Variants in FRAS1 observed in about 807,000 individuals in gnomAD.
FRAS1 encodes extracellular matrix organizing protein FRAS1.
In FRAS1, 290 loss-of-function variants were observed where a neutral mutation model predicts 435.2. The observed-to-expected ratio is 0.67, with a 90% CI of 0.61 to 0.73. The LOEUF is 0.73. Ranked by LOEUF, FRAS1 falls within the 30% of genes least tolerant of loss-of-function variation. The probability of loss-of-function intolerance (pLI) is 0.00; values close to 1 mark genes in which losing one functional copy is unlikely to be tolerated. For missense variants in FRAS1, 4,860 were observed against 5,001.5 expected (o/e 0.97, Z 0.85); for synonymous variants, 1,800 against 1,851.0 (o/e 0.97, Z 0.71).
At chr4:78,306,357 C>G (rs1281215433) in intron 14 of FRAS1, among the ~76,000 whole-genome samples, 1 of 147,818 alleles carries the variant, frequency 6.8e-6, no homozygotes, top group African/African-American at 2.5e-5. Flanking sequence ...TTGCTCTTCT[C>G]GAGGAGTATC....
At chr4:78,414,431 G>A (rs1240622667) in intron 32 of FRAS1, among the ~76,000 whole-genome samples, 3 of 152,198 alleles carry the variant, frequency 2.0e-5, no homozygotes, top group Admixed American at 1.3e-4. Flanking sequence ...TTGCGAATTA[G>A]GTCTGTCCAG....
intron 14 of FRAS1, among the ~76,000 whole-genome samples, chr4:78,305,805 AC>A (rs1173380277): frequency 6.6e-6 from 1 of 151,400 alleles, no homozygotes; most frequent in African/African-American, 2.4e-5. Flanking sequence ...ATGGGTCCTG[AC>A]TCTTTATCCA....
At chr4:78,167,521 T>A (rs1560559895) in intron 2 of FRAS1, among the ~76,000 whole-genome samples, 1 of 152,000 alleles carries the variant, frequency 6.6e-6, no homozygotes, top group Non-Finnish European at 1.5e-5. Flanking sequence ...GTGATTATCA[T>A]TGATAATAAT....
At position 78,372,724 on chromosome 4, in the gene FRAS1, A is replaced by G. The variant is rs1731563675; in HGVS notation, c.2876A>G (p.Asp959Gly). The G allele has an allele frequency of 1.2e-6, 2 of 1,612,436 alleles. No homozygotes were observed. Among genetic ancestry groups the G allele is most frequent in the African/African-American group, 2.7e-5 (2 of 74,894 alleles). The change falls in exon 24 of 74, where the codon GAT becomes GGT. Residue 959 changes from aspartate (D) to glycine (G), a missense_variant. Physicochemically the swap from Asp to Gly is moderately conservative, Grantham distance 94 (BLOSUM62 -1). Transcript: ENST00000512123. ...DFSTNTCKEC[D>G]WSCSACSGPL... Reference sequence around the variant, plus strand: ...ATGCAGACTTTCTTTTTAGAGTGTGATTGGAGCTGCAGTGCATGCAGTGGG... The same window carrying G: ...ATGCAGACTTTCTTTTTAGAGTGTGGTTGGAGCTGCAGTGCATGCAGTGGG...
At chr4:78,167,465 A>G (rs1721378168) in intron 2 of FRAS1, among the ~76,000 whole-genome samples, 1 of 152,014 alleles carries the variant, frequency 6.6e-6, no homozygotes, top group African/African-American at 2.4e-5. Context: ...TAGGTGAGCA[A>G]TCCAGGATGG....
chr4:78,125,676 A>T lies in FRAS1; in HGVS notation c.108+59660A>T, dbSNP rs372865275. 3.9e-4 allele frequency among the ~76,000 whole-genome samples: 60 copies of T among 152,260 alleles called. 2 individuals carry two copies. Among genetic ancestry groups the T allele is most frequent in the African/African-American group, 1.4e-3 (58 of 41,554 alleles). ...TTGGAGTTTGCTGGAGGTCCACTCC[A>T]GATGCTGTTTTCCTGGGTATCACCA... On this transcript the variant is annotated intron_variant, in intron 2 of 73. Coordinates refer to ENST00000512123, the MANE Select transcript of FRAS1 (RefSeq NM_025074.7).
At chr4:78,060,591 G>C (rs1296560371) in intron 1 of FRAS1, among the ~76,000 whole-genome samples, 4 of 152,102 alleles carry the variant, frequency 2.6e-5, no homozygotes, top group Non-Finnish European at 1.5e-5. Context: ...TCAAAAAATT[G>C]GTCAGATGAA....
chr4:78,406,227 A>G (rs1733088967), intron 30 of FRAS1, among the ~76,000 whole-genome samples: 1 of 152,242 alleles, frequency 6.6e-6, no homozygotes, highest in Non-Finnish European at 1.5e-5. Flanking sequence ...TTCTAACGTT[A>G]TTAAACTCTG....
intron 2 of FRAS1, among the ~76,000 whole-genome samples, chr4:78,142,322 C>T (rs1024349951): frequency 6.6e-6 from 1 of 151,880 alleles, no homozygotes; most frequent in African/African-American, 2.4e-5. Context: ...TTACTGGTGC[C>T]CTTCAGCTAC....
intron 2 of FRAS1, among the ~76,000 whole-genome samples, chr4:78,075,859 A>C (rs1740612234): frequency 6.6e-6 from 1 of 152,200 alleles, no homozygotes; most frequent in Non-Finnish European, 1.5e-5. Context: ...CAGTATAAGT[A>C]AACGCATAAG....
At chr4:78,183,732 TTGTG>T (rs3974339) in intron 2 of FRAS1, among the ~76,000 whole-genome samples, 4,537 of 136,996 alleles carry the variant, frequency 0.033, 187 homozygotes, top group African/African-American at 0.11. Context: ...TTCATTCTCT[TTGTG>T]TGTGTGTGTG....
At chr4:78,117,896 G>T (rs375698135) in intron 2 of FRAS1, among the ~76,000 whole-genome samples, 2 of 152,222 alleles carry the variant, frequency 1.3e-5, no homozygotes, top group Non-Finnish European at 2.9e-5. Flanking sequence ...TTTGGTGGAG[G>T]AGAGGTTGTC....
intron 45 of FRAS1, among the ~76,000 whole-genome samples, 193 bp from the exon 46 acceptor site, chr4:78,451,579 A>G (rs141875528): frequency 2.0e-5 from 3 of 152,316 alleles, no homozygotes; most frequent in African/African-American, 7.2e-5. Context: ...GTCTTTGGTT[A>G]TGAGAAAGTA....
chr4:78,433,066 T>G (rs1031501987), intron 38 of FRAS1, among the ~76,000 whole-genome samples: 1 of 152,234 alleles, frequency 6.6e-6, no homozygotes, highest in East Asian at 1.9e-4. Flanking sequence ...GAAAAATCCC[T>G]GCAGCAGTGC....
chr4:78,491,587 C>T (rs186744482), intron 59 of FRAS1, among the ~76,000 whole-genome samples: 6 of 152,092 alleles, frequency 3.9e-5, no homozygotes, highest in Non-Finnish European at 7.4e-5. Flanking sequence ...AAAAGGCCTT[C>T]GACAAACTTT....
At chr4:78,281,365 TG>T in intron 10 of FRAS1, 32 bp from the exon 11 acceptor site, 2 of 1,489,308 alleles carry the variant, frequency 1.3e-6, no homozygotes, top group Non-Finnish European at 1.8e-6. Context: ...GTGTTTTTAG[TG>T]GCATAATAAA....
chr4:78,171,924 A>G (rs974821387), intron 2 of FRAS1, among the ~76,000 whole-genome samples: 2 of 151,952 alleles, frequency 1.3e-5, no homozygotes, highest in African/African-American at 4.8e-5. Context: ...ATCTACACTT[A>G]CCCTAAAAGC....
rs150742413 is a variant in FRAS1, at chr4:78,314,241, C to A, written c.1679-1353C>A. ...ATATGATGACCCCATACCTCTCCCACGAGCTCCAGAACTGTAAGTTACATT... is the reference window on the plus strand; with the variant it reads ...ATATGATGACCCCATACCTCTCCCAAGAGCTCCAGAACTGTAAGTTACATT... On this transcript the variant is annotated intron_variant, in intron 15 of 73. Transcript: ENST00000512123. Among the ~76,000 whole-genome samples, 169 of 152,274 alleles carry A rather than the reference C, an allele frequency of 1.1e-3. 1 individual carries two copies. Among genetic ancestry groups the A allele is most frequent in the Non-Finnish European group, 2.0e-3 (133 of 68,036 alleles).
Position 78,327,228 on chromosome 4 carries a change from G to A in FRAS1, c.2138-6044G>A, listed in dbSNP as rs549439793. Among the ~76,000 whole-genome samples the A allele has an allele frequency of 9.1e-4, 138 of 152,010 alleles. No homozygotes were observed. The Middle Eastern group carries it at 0.024, about 26-fold the overall frequency. ...CAGAGCAAGACCCTTTCACCAAGAAGAAAACAAAAAGTAACGAGAAGAAGG... is the reference window on the plus strand; with the variant it reads ...CAGAGCAAGACCCTTTCACCAAGAAAAAAACAAAAAGTAACGAGAAGAAGG... On this transcript the variant is annotated intron_variant, in intron 18 of 73. Transcript: ENST00000512123.
Sources: allele counts gnomAD v4.1 joint callset (sites outside exome capture counted in the v4.1 genomes callset), GRCh38; gene constraint gnomAD v4.1.1; transcripts MANE v1.5; gene names NCBI Gene and HGNC (gene_info 2026-07-23, HGNC 2026-07-21).